Variants in SLC18B1 observed in about 807,000 individuals in gnomAD.
The protein encoded by SLC18B1 is solute carrier family 18 member B1, also known as MFS-type transporter SLC18B1.
A neutral mutation model predicts 53.9 loss-of-function variants in SLC18B1; 62 were observed. The ratio of observed to expected loss-of-function variants is 1.15; its 90% CI spans 0.94 to 1.42. The LOEUF (loss-of-function observed/expected upper bound fraction) is 1.42. SLC18B1 is among the 40% of genes most tolerant of loss of function. The probability of loss-of-function intolerance (pLI) is 0.00; values close to 1 mark genes in which losing one functional copy is unlikely to be tolerated. For synonymous variants in SLC18B1, 217 were observed against 200.9 expected, an observed-to-expected ratio of 1.08 and a Z score of -0.68; for missense variants, 598 against 547.3, an observed-to-expected ratio of 1.09 and a Z score of -0.93.
chr6:132,788,011 A>C (rs1781424957), intron 4 of SLC18B1, among the ~76,000 whole-genome samples: 1 of 152,058 alleles, frequency 6.6e-6, no homozygotes, highest in South Asian at 2.1e-4. Context: ...AATACAAAAA[A>C]TTAGCCAGGT....
rs1781756763 is a variant in SLC18B1, at chr6:132,798,466, G to A, written c.-10C>T. 4 of 1,509,756 alleles carry A rather than the reference G, an allele frequency of 2.6e-6. No homozygotes were observed. The highest frequency in any genetic ancestry group is 1.4e-5 in the African/African-American group (1 of 70,930). 93.5% of individuals were successfully genotyped at this position (1,509,756 alleles called of 1,614,324 possible). On this transcript the variant is annotated 5_prime_UTR_variant, in exon 1 of 14. In the 5' UTR this introduces an upstream ATG that the reference lacks. Coordinates refer to ENST00000275227, the MANE Select transcript of SLC18B1 (RefSeq NM_052831.3). ...CACCCAGCGCCTCCATCCCCGGTGC[G>A]TGGACTCCGGCGCCCCAGCTCCCGG... is the stretch of plus-strand genomic sequence containing the variant.
Position 132,787,563 on chromosome 6 carries a change from T to G in SLC18B1, c.372A>C (p.Pro124=). 6.3e-7 allele frequency: 1 copy of G among 1,598,734 alleles called. No individual in the cohort carries two copies. ...ACATAGCAATAAATACTGGCCCATC[T>G]GGAACTCGGTCCAATACACTAAAAA... ...TILFGVLDRV[P]DGPVFIAMCF... The change falls in exon 5 of 14, where the codon CCA becomes CCC. Residue 124 remains proline, a synonymous_variant. Transcript: ENST00000275227.
Position 132,798,544 on chromosome 6 carries a change from G to A in SLC18B1, c.-88C>T, listed in dbSNP as rs1043404416. On this transcript the variant is annotated 5_prime_UTR_variant, in exon 1 of 14. Coordinates refer to ENST00000275227, the MANE Select transcript of SLC18B1 (RefSeq NM_052831.3). ...TCCAAGGAGCCACTGGCACTCTGGCGGGCGGCCGCTGCTCAGCTGGAACCT... is the reference window on the plus strand; with the variant it reads ...TCCAAGGAGCCACTGGCACTCTGGCAGGCGGCCGCTGCTCAGCTGGAACCT... The A allele has an allele frequency of 1.5e-6, 2 of 1,327,904 alleles. No individual in the cohort carries two copies. Among genetic ancestry groups the A allele is most frequent in the Non-Finnish European group, 2.0e-6 (2 of 1,017,880 alleles). The allele number at this position is 1,327,904 out of a possible 1,614,324, so 82.3% of individuals were successfully genotyped here. A position where few individuals can be genotyped will look rare whatever the true frequency, so the allele number is the denominator to read the frequency against.
chr6:132,788,071 G>A (rs1202944593), intron 4 of SLC18B1, among the ~76,000 whole-genome samples: 4 of 151,762 alleles, frequency 2.6e-5, no homozygotes, highest in Non-Finnish European at 5.9e-5. Flanking sequence ...TGAGGCAGGA[G>A]AATGGCATGA....
rs771318906 is a variant in SLC18B1 at position 132,773,107 on chromosome 6, G to T, written c.990-19C>A. 3.8e-6 allele frequency: 6 copies of T among 1,569,960 alleles called. No homozygotes were observed. Among genetic ancestry groups the T allele is most frequent in the East Asian group, 2.2e-5 (1 of 44,624 alleles). ...GAGCTGACTGCAAAAGGGTTTTGGA[G>T]AAAACAAATACAAAAAGAAAAACAT... On this transcript the variant is annotated intron_variant, in intron 9 of 13. Transcript: ENST00000275227.
At chr6:132,779,999 C>G (rs1781191812) in intron 6 of SLC18B1, among the ~76,000 whole-genome samples, 2 of 152,298 alleles carry the variant, frequency 1.3e-5, no homozygotes, top group South Asian at 4.1e-4. Context: ...TTAATTACCT[C>G]CACCTGGCCC....
In SLC18B1 at chr6:132,797,130, C is replaced by A; in HGVS notation, c.44-9G>T. 6.2e-7 allele frequency: 1 copy of A among 1,612,154 alleles called. No homozygotes were observed. Among genetic ancestry groups the A allele is most frequent in the Non-Finnish European group, 8.5e-7 (1 of 1,179,456 alleles). On this transcript the variant is annotated splice_polypyrimidine_tract_variant and intron_variant, in intron 1 of 13. Coordinates refer to ENST00000275227, the MANE Select transcript of SLC18B1 (RefSeq NM_052831.3). Reference sequence around the variant, plus strand: ...TCCTGCAGGATCATCACCTTGAATGCAAACATGCAGCAATTAGGCATATAA... The same window carrying A: ...TCCTGCAGGATCATCACCTTGAATGAAAACATGCAGCAATTAGGCATATAA...
At position 132,784,002 on chromosome 6, in the gene SLC18B1, G is replaced by C. The variant is rs781409028; in HGVS notation, c.589C>G (p.Pro197Ala). The change falls in exon 6 of 14, where the codon CCT becomes GCT. Residue 197 changes from proline (P) to alanine (A), a missense_variant. Pro to Ala is a conservative substitution (Grantham distance 27). Transcript: ENST00000275227. Reference protein sequence around the residue: ...FLYQSFGYEVPFIVLGCVVLL... With the variant: ...FLYQSFGYEVAFIVLGCVVLL... ...ACGACGCATCCCAGAACAATAAAAG[G>C]CACTTCATAGCCAAAGGATTGATAC... 1 of 1,610,850 alleles carries C rather than the reference G, an allele frequency of 6.2e-7. No individual in the cohort carries two copies. Among genetic ancestry groups the C allele is most frequent in the South Asian group, 1.1e-5 (1 of 90,672 alleles).
intron 6 of SLC18B1, among the ~76,000 whole-genome samples, chr6:132,782,668 A>C (rs1781267855): frequency 6.6e-6 from 1 of 152,190 alleles, no homozygotes; most frequent in South Asian, 2.1e-4. Context: ...AAAAGGTGGT[A>C]AAGAAATGGG....
At chr6:132,770,847 CT>C in intron 13 of SLC18B1, 42 bp downstream of exon 13, 2 of 1,556,602 alleles carry the variant, frequency 1.3e-6, no homozygotes, top group Non-Finnish European at 1.7e-6. Context: ...CTTGCACTGG[CT>C]AACTTTTAAA....
intron 1 of SLC18B1, among the ~76,000 whole-genome samples, chr6:132,797,791 T>C (rs1781736884): frequency 6.7e-6 from 1 of 149,428 alleles, no homozygotes; most frequent in African/African-American, 2.5e-5. Flanking sequence ...ATACTTTTTT[T>C]TTACCCTAAT....
At position 132,771,092 on chromosome 6, in the gene SLC18B1, C is replaced by T. The variant is rs1780960784; in HGVS notation, c.1198G>A (p.Glu400Lys). 1 of 1,614,138 alleles carries T rather than the reference C, an allele frequency of 6.2e-7. No homozygotes were observed. Among genetic ancestry groups the T allele is most frequent in the East Asian group, 2.2e-5 (1 of 44,870 alleles). Residue 400 changes from glutamate (E) to lysine (K), a missense_variant, in exon 12 of 14, where the codon GAG becomes AAG. Transcript: ENST00000275227. ...GCTGCCCATTCAAAACCAATTTTCTCATACAGAAATCCACCCAGCGTTGGT... is the reference window on the plus strand; with the variant it reads ...GCTGCCCATTCAAAACCAATTTTCTTATACAGAAATCCACCCAGCGTTGGT... ...MGPTLGGFLYEKIGFEWAAAI... is the reference protein window; with the variant it reads ...MGPTLGGFLYKKIGFEWAAAI...
rs569956532 is a variant in SLC18B1 at position 132,777,312 on chromosome 6, C to T, written c.796-883G>A. 9.9e-5 allele frequency among the ~76,000 whole-genome samples: 15 copies of T among 152,258 alleles called. No homozygotes were observed. In the South Asian group the frequency reaches 2.7e-3, roughly 27 times the overall value. On this transcript the variant is annotated intron_variant, in intron 7 of 13. Coordinates refer to ENST00000275227, the MANE Select transcript of SLC18B1 (RefSeq NM_052831.3). ...GTAGGGCCTATACTACCTCCCATGCCACAAATGGGTCGATTATATTTATCT... is the reference window on the plus strand; with the variant it reads ...GTAGGGCCTATACTACCTCCCATGCTACAAATGGGTCGATTATATTTATCT...
chr6:132,774,675 G>A (rs543029004), intron 8 of SLC18B1, among the ~76,000 whole-genome samples: 138 of 152,202 alleles, frequency 9.1e-4, no homozygotes, highest in Non-Finnish European at 1.5e-3. Flanking sequence ...TTGAGAGGCC[G>A]AGGTGGGAAG....
rs11303053 is a variant in SLC18B1 at position 132,795,169 on chromosome 6, GAA to G, written c.183+1811_183+1812del. Among the ~76,000 whole-genome samples the G allele has an allele frequency of 6.8e-3, 975 of 144,314 alleles. 4 individuals carry two copies. Among genetic ancestry groups the G allele is most frequent in the Middle Eastern group, 0.014 (4 of 278 alleles). The allele number at this position is 144,314 out of a possible 152,430, so 94.7% of individuals were successfully genotyped here. Reference sequence around the variant, plus strand: ...GCCAGAAGAAAATGATTTAAAAAAAGAAAAAAAAAAACAGTCTTATAACATTC... The same window carrying G: ...GCCAGAAGAAAATGATTTAAAAAAAGAAAAAAAAACAGTCTTATAACATTC... On this transcript the variant is annotated intron_variant, in intron 2 of 13. Coordinates refer to ENST00000275227, the MANE Select transcript of SLC18B1 (RefSeq NM_052831.3).
At position 132,792,339 on chromosome 6, in the gene SLC18B1, G is replaced by A. The variant is rs1000411015; in HGVS notation, c.184-2067C>T. On this transcript the variant is annotated intron_variant, in intron 2 of 13. Coordinates refer to ENST00000275227, the MANE Select transcript of SLC18B1 (RefSeq NM_052831.3). ...AGGAAGGAAGGAAGGAAGGAAGGAA[G>A]GAAGGAAGGAAGGAAGGGAAAGAAA... Among the ~76,000 whole-genome samples the A allele has an allele frequency of 1.8e-4, 19 of 104,580 alleles. 1 individual carries two copies. The highest frequency in any genetic ancestry group is 3.4e-4 in the African/African-American group (5 of 14,912). The allele number at this position is 104,580 out of a possible 152,430, so 68.6% of individuals were successfully genotyped here. A position where few individuals can be genotyped will look rare whatever the true frequency, so the allele number is the denominator to read the frequency against.
intron 2 of SLC18B1, among the ~76,000 whole-genome samples, chr6:132,792,225 C>CAGAAAGAAAGGAAGAAAGAAAGAAAGAA: frequency 2.2e-5 from 1 of 44,582 alleles, no homozygotes; most frequent in South Asian, 9.5e-4. Context: ...AAGACACTGT[C>CAGAAAGAAAGGAAGAAAGAAAGAAAGAA]AGAAAGAAAG....
chr6:132,797,172 A>T, intron 1 of SLC18B1, 51 bp from the exon 2 acceptor site: 1 of 1,603,264 alleles, frequency 6.2e-7, no homozygotes, highest in Non-Finnish European at 8.5e-7. Context: ...CTACTGATTA[A>T]AGTACACAAA....
chr6:132,777,939 TG>T (rs568373187), intron 7 of SLC18B1, among the ~76,000 whole-genome samples: 219 of 152,306 alleles, frequency 1.4e-3, no homozygotes, highest in African/African-American at 5.2e-3. Flanking sequence ...AAACAGGCTT[TG>T]TGTGAGCAAT....
Sources: allele counts gnomAD v4.1 joint callset (sites outside exome capture counted in the v4.1 genomes callset), GRCh38; gene constraint gnomAD v4.1.1; transcripts MANE v1.5; gene names NCBI Gene and HGNC (gene_info 2026-07-23, HGNC 2026-07-21).